Variants in ASXL2 observed in about 807,000 individuals in gnomAD.
The protein encoded by ASXL2 is putative Polycomb group protein ASXL2.
In ASXL2, 23 loss-of-function variants were observed where a neutral mutation model predicts 122.0. That is an observed-to-expected ratio of 0.19 (90% CI 0.14 to 0.27). ASXL2 has a LOEUF of 0.27. Among genes scored for constraint, ASXL2 ranks in the 10% least tolerant of loss-of-function variants. The pLI is 1.00. For synonymous variants in ASXL2, 650 were observed against 637.0 expected (o/e 1.02, Z -0.31); for missense variants, 1,518 against 1,713.8 (o/e 0.89, Z 2.02).
At chr2:25,814,262 G>C (rs1207574198) in intron 3 of ASXL2, among the ~76,000 whole-genome samples, 2 of 152,094 alleles carry the variant, frequency 1.3e-5, no homozygotes, top group Non-Finnish European at 2.9e-5. Flanking sequence ...GAATAATAAA[G>C]CAATAGCAGA....
rs1462965351 is a variant in ASXL2 at position 25,741,854 on chromosome 2, C to T, written c.*175G>A. The T allele has an allele frequency of 6.5e-6, 4 of 619,860 alleles. No homozygotes were observed. Among genetic ancestry groups the T allele is most frequent in the African/African-American group, 1.8e-5 (1 of 54,538 alleles). 38.4% of individuals were successfully genotyped at this position (619,860 alleles called of 1,614,324 possible). ...TGACTTAGACTTACTATACAAGGTG[C>T]TCTTCCTCTAAAATGTAAAAAATCT... On this transcript the variant is annotated 3_prime_UTR_variant, in exon 13 of 13. Transcript: ENST00000435504.
rs111289469 is a variant in ASXL2 at position 25,748,987 on chromosome 2, A to G, written c.1860+709T>C. Among the ~76,000 whole-genome samples, 411 of 152,342 alleles carry G rather than the reference A, an allele frequency of 2.7e-3. 2 individuals are homozygous for G. The highest frequency in any genetic ancestry group is 9.2e-3 in the African/African-American group (383 of 41,576). On this transcript the variant is annotated intron_variant, in intron 12 of 12. Transcript: ENST00000435504. The stretch of plus-strand genomic sequence containing the variant: ...CAGTAGTGACAGAAGACAGCTACAC[A>G]TATTTCCTTTAATAGGAGGGAGCTA...
At chr2:25,877,441 T>TA (rs1480660362) in intron 1 of ASXL2, among the ~76,000 whole-genome samples, 1 of 152,170 alleles carries the variant, frequency 6.6e-6, no homozygotes, top group Non-Finnish European at 1.5e-5. Context: ...GCCCACTAAT[T>TA]ACAACTTCAT....
chr2:25,804,817 A>G (rs1192012700), intron 4 of ASXL2, among the ~76,000 whole-genome samples: 1 of 152,190 alleles, frequency 6.6e-6, no homozygotes, highest in African/African-American at 2.4e-5. Context: ...TGGGAGGCCG[A>G]GGAGGGTGGA....
chr2:25,833,561 T>C (rs954585218), intron 3 of ASXL2, among the ~76,000 whole-genome samples: 6 of 152,100 alleles, frequency 3.9e-5, no homozygotes, highest in Non-Finnish European at 8.8e-5. Context: ...CTGGGCGTGG[T>C]AGCGTGCGCC....
rs371968648 is a variant in ASXL2 at position 25,799,484 on chromosome 2, T to G, written c.304A>C (p.Ser102Arg). ...CTCTGGGAATCTGACTGACCATCAC[T>G]GCTTTCTTCTGAACCTTCTGACAGC... ...KELSEGSEESSDGQSDSQSSE... is the reference protein window; with the variant it reads ...KELSEGSEESRDGQSDSQSSE... The change falls in exon 5 of 13, where the codon AGT becomes CGT. Residue 102 changes from serine (S) to arginine (R), a missense_variant. Coordinates refer to ENST00000435504, the MANE Select transcript of ASXL2 (RefSeq NM_018263.6). The G allele has an allele frequency of 8.7e-6, 14 of 1,613,920 alleles. No homozygotes were observed. Among genetic ancestry groups the G allele is most frequent in the African/African-American group, 2.7e-5 (2 of 74,954 alleles).
At chr2:25,776,045 AATTT>A (rs2088541214) in intron 5 of ASXL2, among the ~76,000 whole-genome samples, 1 of 152,188 alleles carries the variant, frequency 6.6e-6, no homozygotes, top group South Asian at 2.1e-4. Flanking sequence ...AACAAAATTA[AATTT>A]ATTTTGAAAA....
At position 25,771,423 on chromosome 2, in the gene ASXL2, A is replaced by C; in HGVS notation, c.504+17T>G. On this transcript the variant is annotated intron_variant, in intron 6 of 12. Coordinates refer to ENST00000435504, the MANE Select transcript of ASXL2 (RefSeq NM_018263.6). ...ACAGGAAATTCTACTTGATAAATAC[A>C]GACTAGCAATGCTTACCTGCTTTAG... is the stretch of plus-strand genomic sequence containing the variant. 1.3e-6 allele frequency: 2 copies of C among 1,590,642 alleles called. No individual in the cohort carries two copies. Among genetic ancestry groups the C allele is most frequent in the Non-Finnish European group, 1.7e-6 (2 of 1,163,352 alleles).
intron 5 of ASXL2, among the ~76,000 whole-genome samples, chr2:25,779,506 C>A (rs1016681511): frequency 1.3e-5 from 2 of 152,034 alleles, no homozygotes; most frequent in African/African-American, 2.4e-5. Flanking sequence ...AGAAACCATA[C>A]CAATATAATT....
At chr2:25,849,703 T>C (rs965193846) in intron 1 of ASXL2, among the ~76,000 whole-genome samples, 1 of 152,050 alleles carries the variant, frequency 6.6e-6, no homozygotes, top group Non-Finnish European at 1.5e-5. Context: ...CTCGAACTGC[T>C]GGGTTTTTGT....
At chr2:25,824,310 A>C (rs1228593502) in intron 3 of ASXL2, among the ~76,000 whole-genome samples, 1 of 152,170 alleles carries the variant, frequency 6.6e-6, no homozygotes, top group Admixed American at 6.6e-5. Context: ...TTCATTTAAT[A>C]TTTACAAAGG....
At chr2:25,774,619 A>G (rs1301888201) in intron 5 of ASXL2, among the ~76,000 whole-genome samples, 1 of 152,234 alleles carries the variant, frequency 6.6e-6, no homozygotes, top group Non-Finnish European at 1.5e-5. Flanking sequence ...CTGCTTATGT[A>G]CATGTGAGTG....
chr2:25,745,216 CTTT>C (rs58245687), intron 12 of ASXL2, among the ~76,000 whole-genome samples: 13 of 142,816 alleles, frequency 9.1e-5, no homozygotes, highest in Non-Finnish European at 9.2e-5. Flanking sequence ...CCTAGGAAGT[CTTT>C]TTTTTTTTTT....
intron 10 of ASXL2, among the ~76,000 whole-genome samples, chr2:25,755,054 C>T (rs544976023): frequency 1.3e-5 from 2 of 152,270 alleles, no homozygotes; most frequent in Non-Finnish European, 2.9e-5. Flanking sequence ...GCGTTCCTTA[C>T]AAATGTATAT....
At chr2:25,762,533 C>T (rs1392475551) in intron 8 of ASXL2, among the ~76,000 whole-genome samples, 1 of 151,086 alleles carries the variant, frequency 6.6e-6, no homozygotes. Context: ...GGCGTGGTGG[C>T]GGGTCCCTGT....
chr2:25,790,486 A>G (rs962640804), intron 5 of ASXL2, among the ~76,000 whole-genome samples: 2 of 152,144 alleles, frequency 1.3e-5, no homozygotes, highest in African/African-American at 4.8e-5. Context: ...GACCCTGTTT[A>G]TAGTCTTTTC....
rs1380020815 is a variant in ASXL2 at position 25,744,956 on chromosome 2, C to CAA, written c.1861-481_1861-480insTT. 1.3e-5 allele frequency among the ~76,000 whole-genome samples: 2 copies of CAA among 150,106 alleles called. No individual in the cohort carries two copies. The highest frequency in any genetic ancestry group is 6.6e-5 in the Admixed American group (1 of 15,124). ...TGTTCCACACACACACACACACACA[C>CAA]ACACACACACACACACACACACACT... On this transcript the variant is annotated intron_variant, in intron 12 of 12. Transcript: ENST00000435504. The surrounding 1 kb of genome is among the most constrained non-coding windows in gnomAD (Gnocchi z 4.7).
At position 25,740,787 on chromosome 2, in the gene ASXL2, T is replaced by C. The variant is rs544095851; in HGVS notation, c.*1242A>G. 2.5e-5 allele frequency: 5 copies of C among 199,730 alleles called. No homozygotes were observed. In the South Asian group the frequency reaches 5.7e-4, roughly 23 times the overall value. 12.4% of individuals were successfully genotyped at this position (199,730 alleles called of 1,614,324 possible). On this transcript the variant is annotated 3_prime_UTR_variant, in exon 13 of 13. Transcript: ENST00000435504. The stretch of plus-strand genomic sequence containing the variant: ...ACAGCAGTAATCCAAACAAGGGCTA[T>C]ATTTTCTAAAACAGGAAAAATGTCT...
At chr2:25,751,916 C>T (rs994789239) in intron 11 of ASXL2, among the ~76,000 whole-genome samples, 2 of 152,054 alleles carry the variant, frequency 1.3e-5, no homozygotes, top group African/African-American at 2.4e-5. Flanking sequence ...TCTACAGGTA[C>T]GCACCACTAC....
Sources: gnomAD v4.1 joint callset for allele counts (sites outside exome capture counted in the v4.1 genomes callset) on GRCh38, gnomAD v4.1.1 for gene constraint, Gnocchi (gnomAD v3.1) non-coding constraint, MANE v1.5 for transcripts, NCBI Gene and HGNC (gene_info 2026-07-23, HGNC 2026-07-21) for gene names.